PBX1: variants seen among roughly 807,000 people sequenced by gnomAD.
The protein encoded by PBX1 is pre-B-cell leukemia transcription factor 1.
In PBX1, 6 loss-of-function variants were observed where a neutral mutation model predicts 53.4. The observed-to-expected ratio is 0.11, with a 90% CI of 0.06 to 0.22. PBX1 has a LOEUF of 0.22. Among genes scored for constraint, PBX1 ranks in the 10% least tolerant of loss-of-function variants. The probability of loss-of-function intolerance (pLI) is 1.00; values close to 1 mark genes in which losing one functional copy is unlikely to be tolerated. For synonymous variants in PBX1, 204 were observed against 212.3 expected, an observed-to-expected ratio of 0.96 and a Z score of 0.34; for missense variants, 251 against 551.4, an observed-to-expected ratio of 0.46 and a Z score of 5.46.
intron 2 of PBX1, among the ~76,000 whole-genome samples, chr1:164,758,066 C>T (rs540609663): frequency 6.6e-6 from 1 of 152,316 alleles, no homozygotes; most frequent in Admixed American, 6.5e-5. Flanking sequence ...GAACCATCTA[C>T]TTGCCCAGTT....
At chr1:164,860,585 A>G (rs1672073572) in intron 2 of PBX1, among the ~76,000 whole-genome samples, 1 of 152,030 alleles carries the variant, frequency 6.6e-6, no homozygotes, top group Non-Finnish European at 1.5e-5. Flanking sequence ...GGCCCCTAAC[A>G]CACTCAGACC....
chr1:164,779,041 A>C (rs987137638), intron 2 of PBX1, among the ~76,000 whole-genome samples: 1 of 129,482 alleles, frequency 7.7e-6, no homozygotes, highest in Admixed American at 7.8e-5. Context: ...CAAAGGAGAT[A>C]ATTTTTTTTT....
chr1:164,729,031 A>C (rs1035528058), intron 2 of PBX1, among the ~76,000 whole-genome samples: 2 of 152,208 alleles, frequency 1.3e-5, no homozygotes, highest in African/African-American at 4.8e-5. Flanking sequence ...TCTCTGTTCA[A>C]CTTGCAATAG....
intron 2 of PBX1, among the ~76,000 whole-genome samples, chr1:164,691,594 G>A (rs544008391): frequency 6.6e-6 from 1 of 152,222 alleles, no homozygotes; most frequent in African/African-American, 2.4e-5. Flanking sequence ...CGTCTTCTAG[G>A]CTAGGGGCTA....
intron 2 of PBX1, among the ~76,000 whole-genome samples, chr1:164,865,428 G>A (rs1158153662): frequency 6.6e-6 from 1 of 152,078 alleles, no homozygotes; most frequent in African/African-American, 2.4e-5. Context: ...TAATTTGTCT[G>A]CATGCCAGAG....
chr1:164,693,998 A>G (rs777946046), intron 2 of PBX1, among the ~76,000 whole-genome samples: 2 of 152,132 alleles, frequency 1.3e-5, no homozygotes, highest in African/African-American at 2.4e-5. Context: ...TCCCACCTCC[A>G]TGAAACCTTT....
intron 2 of PBX1, among the ~76,000 whole-genome samples, chr1:164,627,466 T>C (rs1658121470): frequency 2.6e-5 from 4 of 152,126 alleles, no homozygotes; most frequent in Admixed American, 2.6e-4. Context: ...GTGCCTCCTG[T>C]TTTGGTGAGC....
intron 2 of PBX1, among the ~76,000 whole-genome samples, chr1:164,870,257 CCTTCCT>C: frequency 1.4e-5 from 1 of 73,686 alleles, no homozygotes; most frequent in Admixed American, 1.6e-4. Flanking sequence ...TTCCTTCCTT[CCTTCCT>C]TCCTTCTTTC....
At chr1:164,577,459 G>A (rs963641805) in intron 2 of PBX1, among the ~76,000 whole-genome samples, 2 of 152,290 alleles carry the variant, frequency 1.3e-5, no homozygotes, top group East Asian at 3.9e-4. Flanking sequence ...GCCCATGCAC[G>A]CATAGTTGCC....
chr1:164,860,208 T>C (rs1030012070), intron 2 of PBX1, among the ~76,000 whole-genome samples: 7 of 152,136 alleles, frequency 4.6e-5, no homozygotes, highest in African/African-American at 7.2e-5. Context: ...TACTCCACCT[T>C]CCCCCAAGTC....
intron 2 of PBX1, among the ~76,000 whole-genome samples, chr1:164,882,695 C>T (rs191387204): frequency 6.6e-6 from 1 of 152,230 alleles, no homozygotes; most frequent in Non-Finnish European, 1.5e-5. Context: ...TCATTTTGAC[C>T]TCTCAAAATA....
intron 3 of PBX1, among the ~76,000 whole-genome samples, chr1:164,799,256 C>T (rs1336339907): frequency 1.3e-5 from 2 of 152,038 alleles, no homozygotes; most frequent in East Asian, 1.9e-4. Flanking sequence ...TTTGGGAGGC[C>T]GAGGCGGGGG....
At chr1:164,596,123 T>C (rs992861899) in intron 2 of PBX1, among the ~76,000 whole-genome samples, 1 of 151,674 alleles carries the variant, frequency 6.6e-6, no homozygotes, top group Non-Finnish European at 1.5e-5. Context: ...TCTTGGTTTC[T>C]CAATTTTGAA....
chr1:164,575,615 CAAAG>C lies in PBX1; in HGVS notation c.265+12310_265+12313del, dbSNP rs201050661. Among the ~76,000 whole-genome samples, 1,074 of 152,216 alleles carry C rather than the reference CAAAG, an allele frequency of 7.1e-3. 17 individuals carry two copies. The highest frequency in any genetic ancestry group is 0.025 in the African/African-American group (1,030 of 41,528). ...CTTTGCATTTGTCTTTTATCCCTAACAAAGAAAGACTCCCAGAGAGTCTAATGAT... is the reference window on the plus strand; with the variant it reads ...CTTTGCATTTGTCTTTTATCCCTAACAAAGACTCCCAGAGAGTCTAATGAT... On this transcript the variant is annotated intron_variant, in intron 2 of 8. Coordinates refer to ENST00000420696, the MANE Select transcript of PBX1 (RefSeq NM_002585.4).
chr1:164,840,909 T>C (rs1274748618), intron 8 of PBX1, among the ~76,000 whole-genome samples: 1 of 152,170 alleles, frequency 6.6e-6, no homozygotes, highest in Non-Finnish European at 1.5e-5. Context: ...CATATGTCTC[T>C]CCATGCCCAT....
intron 2 of PBX1, among the ~76,000 whole-genome samples, chr1:164,874,460 C>G (rs1189901000): frequency 2.0e-5 from 3 of 152,078 alleles, no homozygotes; most frequent in African/African-American, 7.2e-5. Flanking sequence ...CACATACATT[C>G]TTACTGTATA....
chr1:164,826,151 C>T (rs552182063), intron 8 of PBX1, among the ~76,000 whole-genome samples: 8 of 152,304 alleles, frequency 5.3e-5, no homozygotes, highest in African/African-American at 1.7e-4. Flanking sequence ...TAGAATTCTA[C>T]ATTTATGATC....
chr1:164,807,515 GTTA>G, intron 4 of PBX1, 24 bp from the exon 5 acceptor site: 1 of 1,604,056 alleles, frequency 6.2e-7, no homozygotes, highest in Non-Finnish European at 8.5e-7. Flanking sequence ...GAGCCTTTTT[GTTA>G]TTATTTCCTT....
At chr1:164,871,515 A>G (rs1280859658) in intron 2 of PBX1, among the ~76,000 whole-genome samples, 2 of 152,214 alleles carry the variant, frequency 1.3e-5, no homozygotes, top group Non-Finnish European at 2.9e-5. Context: ...TCATTTTTCT[A>G]CAGATTTCAT....
Sources: gnomAD v4.1 joint callset for allele counts (sites outside exome capture counted in the v4.1 genomes callset) on GRCh38, gnomAD v4.1.1 for gene constraint, MANE v1.5 for transcripts, NCBI Gene and HGNC (gene_info 2026-07-23, HGNC 2026-07-21) for gene names.